GPR158: variants seen among roughly 807,000 people sequenced by gnomAD.
GPR158 encodes the protein metabotropic glycine receptor.
GPR158 carries 30 observed loss-of-function variants against 78.2 expected under a neutral mutation model. The observed-to-expected ratio is 0.38, with a 90% confidence interval of 0.29 to 0.52. The LOEUF (loss-of-function observed/expected upper bound fraction) is 0.52. Ranked by LOEUF, GPR158 falls within the 20% of genes least tolerant of loss-of-function variation. The pLI is 0.83. For missense variants in GPR158, 1,463 were observed against 1,523.5 expected (o/e 0.96, Z 0.66); for synonymous variants, 581 against 591.1 (o/e 0.98, Z 0.25).
At chr10:25,298,088 C>T (rs1205522223) in intron 2 of GPR158, among the ~76,000 whole-genome samples, 1 of 152,126 alleles carries the variant, frequency 6.6e-6, no homozygotes, top group Non-Finnish European at 1.5e-5. Flanking sequence ...ACAATAAGTG[C>T]TAGCTAATAA....
At chr10:25,414,568 G>A (rs1047638467) in intron 4 of GPR158, among the ~76,000 whole-genome samples, 1 of 152,154 alleles carries the variant, frequency 6.6e-6, no homozygotes, top group African/African-American at 2.4e-5. Flanking sequence ...ATTTTCTGCT[G>A]TGATTTCAAT....
At chr10:25,344,528 G>C (rs577183749) in intron 2 of GPR158, among the ~76,000 whole-genome samples, 1 of 151,946 alleles carries the variant, frequency 6.6e-6, no homozygotes, top group South Asian at 2.1e-4. Context: ...AGAGGTTATA[G>C]AATCTAAGGC....
chr10:25,463,520 G>A (rs866980633), intron 4 of GPR158, among the ~76,000 whole-genome samples: 8 of 152,096 alleles, frequency 5.3e-5, no homozygotes, highest in African/African-American at 1.9e-4. Flanking sequence ...TGTATAAATA[G>A]TGTCATACTG....
At chr10:25,316,488 C>T (rs1057146879) in intron 2 of GPR158, among the ~76,000 whole-genome samples, 1 of 152,160 alleles carries the variant, frequency 6.6e-6, no homozygotes, top group Non-Finnish European at 1.5e-5. Context: ...CCCAGGTCAC[C>T]TACTATTGCA....
chr10:25,422,499 A>G (rs1043391587), intron 4 of GPR158, among the ~76,000 whole-genome samples: 2 of 152,076 alleles, frequency 1.3e-5, no homozygotes, highest in Admixed American at 6.5e-5. Context: ...TGGAAAAATT[A>G]TCTTCCACGA....
intron 2 of GPR158, among the ~76,000 whole-genome samples, chr10:25,369,290 T>G (rs1298811935): frequency 6.7e-6 from 1 of 150,246 alleles, no homozygotes; most frequent in African/African-American, 2.5e-5. Flanking sequence ...TTCAGTATGA[T>G]ATTGGCTGTG....
chr10:25,511,709 A>C (rs1029072944), intron 5 of GPR158, among the ~76,000 whole-genome samples: 1 of 151,964 alleles, frequency 6.6e-6, no homozygotes, highest in African/African-American at 2.4e-5. Context: ...TGAGTTTTGT[A>C]TAAGGTGAGA....
intron 5 of GPR158, among the ~76,000 whole-genome samples, chr10:25,483,051 G>A (rs1399296636): frequency 2.0e-5 from 3 of 151,754 alleles, no homozygotes; most frequent in African/African-American, 7.3e-5. Context: ...CACCACCATT[G>A]AGTATTAGGT....
intron 2 of GPR158, among the ~76,000 whole-genome samples, chr10:25,369,866 G>A (rs532739544): frequency 6.6e-6 from 1 of 152,054 alleles, no homozygotes; most frequent in South Asian, 2.1e-4. Flanking sequence ...GGTCTATTCA[G>A]GATTCAACTT....
chr10:25,417,486 T>C (rs554010087), intron 4 of GPR158, among the ~76,000 whole-genome samples: 1 of 152,284 alleles, frequency 6.6e-6, no homozygotes, highest in East Asian at 1.9e-4. Context: ...AAGCAGGTTC[T>C]ATGCATGAAA....
At chr10:25,389,113 CA>C (rs1834259802) in intron 2 of GPR158, among the ~76,000 whole-genome samples, 1 of 152,228 alleles carries the variant, frequency 6.6e-6, no homozygotes, top group Non-Finnish European at 1.5e-5. Flanking sequence ...AGGCATCAGA[CA>C]AGATCCTGGG....
rs1554787300 is a variant in GPR158, at chr10:25,241,372, C to CTCTTTTCTCTTCTCTTCTCT, written c.1008+20218_1008+20219insTTTCTCTTCTCTTCTCTTCT. ...TCTCTTTTCTTTTCTCTTTTCTTTT[C>CTCTTTTCTCTTCTCTTCTCT]TCTCTTCTCTTCTCTTCTCTTCTCT... On this transcript the variant is annotated intron_variant, in intron 2 of 10. Transcript: ENST00000376351. Among the ~76,000 whole-genome samples, 66 of 102,954 alleles carry CTCTTTTCTCTTCTCTTCTCT rather than the reference C, an allele frequency of 6.4e-4. 2 individuals are homozygous for CTCTTTTCTCTTCTCTTCTCT. The highest frequency in any genetic ancestry group is 3.6e-3 in the African/African-American group (65 of 18,094). The allele number at this position is 102,954 out of a possible 152,430, so 67.5% of individuals were successfully genotyped here.
At chr10:25,425,430 A>C (rs1834806843) in intron 4 of GPR158, among the ~76,000 whole-genome samples, 1 of 152,084 alleles carries the variant, frequency 6.6e-6, no homozygotes, top group South Asian at 2.1e-4. Context: ...ATAATTAGTG[A>C]TGTTGAACAT....
At chr10:25,442,487 A>G (rs967511964) in intron 4 of GPR158, among the ~76,000 whole-genome samples, 2 of 151,984 alleles carry the variant, frequency 1.3e-5, no homozygotes, top group Non-Finnish European at 2.9e-5. Context: ...TGTCTGGGCA[A>G]TCTCAGACAT....
chr10:25,347,182 G>A (rs1855382083), intron 2 of GPR158, among the ~76,000 whole-genome samples: 1 of 151,886 alleles, frequency 6.6e-6, no homozygotes, highest in Non-Finnish European at 1.5e-5. Context: ...GGAGACTCTA[G>A]GGGAGAAGTG....
intron 2 of GPR158, among the ~76,000 whole-genome samples, chr10:25,234,336 C>T (rs1428251488): frequency 6.6e-6 from 1 of 152,192 alleles, no homozygotes; most frequent in Non-Finnish European, 1.5e-5. Context: ...TTGGTGATGA[C>T]ACAAGCACAG....
At chr10:25,553,741 G>A (rs1363339619) in intron 6 of GPR158, among the ~76,000 whole-genome samples, 1 of 152,154 alleles carries the variant, frequency 6.6e-6, no homozygotes, top group Admixed American at 6.5e-5. Flanking sequence ...GGCCCTGAAG[G>A]AGGGACGTCT....
rs764216516 is a variant in GPR158, at chr10:25,599,123, C to T, written c.3497C>T (p.Thr1166Ile). The T allele has an allele frequency of 6.2e-6, 10 of 1,611,688 alleles. No individual in the cohort carries two copies. In the South Asian group the frequency reaches 1.1e-4, roughly 18 times the overall value. The change falls in exon 11 of 11, where the codon ACA becomes ATA. Residue 1166 changes from threonine to isoleucine, a missense_variant. Physicochemically the swap from Thr to Ile is moderately conservative, Grantham distance 89. Coordinates refer to ENST00000376351, the MANE Select transcript of GPR158 (RefSeq NM_020752.3). ...AGTAATAACTTCCAGCAACCTTTAA[C>T]ATCACGAGCAGAGGTTTGTCCTTGG... The part of the protein sequence containing the change: ...NSSNNFQQPL[T>I]SRAEVCPWEF...
chr10:25,231,090 G>T (rs1853442070), intron 2 of GPR158, among the ~76,000 whole-genome samples: 4 of 152,130 alleles, frequency 2.6e-5, no homozygotes, highest in Admixed American at 2.6e-4. Context: ...ATATGTGCTT[G>T]TGCTTGCCAA....
Sources: gnomAD v4.1 joint callset for allele counts (sites outside exome capture counted in the v4.1 genomes callset) on GRCh38, gnomAD v4.1.1 for gene constraint, MANE v1.5 for transcripts, NCBI Gene and HGNC (gene_info 2026-07-23, HGNC 2026-07-21) for gene names.